The following BCAR3 variants were observed in gnomAD, a reference collection of about 807,000 sequenced individuals.
The protein encoded by BCAR3 is breast cancer anti-estrogen resistance protein 3.
BCAR3 carries 37 observed loss-of-function variants against 80.1 expected under a neutral mutation model. The observed-to-expected ratio is 0.46, with a 90% CI of 0.36 to 0.61. The LOEUF (loss-of-function observed/expected upper bound fraction) is 0.61, where lower values mean the gene tolerates loss of function less well. BCAR3 is among the 20% of genes least tolerant of loss of function. The probability of loss-of-function intolerance (pLI) is 0.00; values close to 1 mark genes in which losing one functional copy is unlikely to be tolerated. For synonymous variants in BCAR3, 389 were observed against 418.9 expected, an observed-to-expected ratio of 0.93 and a Z score of 0.87; for missense variants, 978 against 1,068.2, an observed-to-expected ratio of 0.92 and a Z score of 1.18.
At chr1:93,769,364 T>C (rs1652273570) in intron 2 of BCAR3, among the ~76,000 whole-genome samples, 1 of 109,836 alleles carries the variant, frequency 9.1e-6, no homozygotes, top group African/African-American at 4.6e-5. Context: ...AATGTGTGTG[T>C]GTGTGTGTGT....
chr1:93,777,414 T>TCCTTTTCCTCCTCCTCTTCC (rs1557685179), intron 2 of BCAR3, among the ~76,000 whole-genome samples: 1,535 of 113,106 alleles, frequency 0.014, 54 homozygotes, highest in African/African-American at 0.064. Flanking sequence ...CCTCCTCCTC[T>TCCTTTTCCTCCTCCTCTTCC]TCCTCCTCCT....
At chr1:93,661,199 C>A (rs1326523949) in intron 2 of BCAR3, among the ~76,000 whole-genome samples, 1 of 152,134 alleles carries the variant, frequency 6.6e-6, no homozygotes, top group Admixed American at 6.5e-5. Flanking sequence ...GCCACCACGC[C>A]CTGCTAATTT....
At chr1:93,693,663 A>G (rs192819579) in intron 3 of BCAR3, among the ~76,000 whole-genome samples, 43 of 152,322 alleles carry the variant, frequency 2.8e-4, no homozygotes, top group African/African-American at 1.0e-3. Context: ...GTCCTTTAAA[A>G]CACTTTATAC....
chr1:93,591,370 G>A (rs1284372552), intron 4 of BCAR3, among the ~76,000 whole-genome samples: 1 of 152,080 alleles, frequency 6.6e-6, no homozygotes, highest in Non-Finnish European at 1.5e-5. Flanking sequence ...AGCTACCAGA[G>A]AGGCTGAGGC....
At chr1:93,774,499 A>AG (rs371417701) in intron 2 of BCAR3, among the ~76,000 whole-genome samples, 1 of 151,274 alleles carries the variant, frequency 6.6e-6, no homozygotes, top group African/African-American at 2.4e-5. Flanking sequence ...AAAAAAAAAA[A>AG]GACAAGCAAA....
At chr1:93,612,560 G>T (rs892726886) in intron 3 of BCAR3, among the ~76,000 whole-genome samples, 1 of 152,170 alleles carries the variant, frequency 6.6e-6, no homozygotes, top group Non-Finnish European at 1.5e-5. Flanking sequence ...ATTAGCAGAA[G>T]TTGGCTTGTG....
At position 93,718,704 on chromosome 1, in the gene BCAR3, T is replaced by C. The variant is rs982405955; in HGVS notation, c.-62-12562A>G. Among the ~76,000 whole-genome samples the C allele has an allele frequency of 2.4e-4, 27 of 113,608 alleles. No homozygotes were observed. In the East Asian group the frequency reaches 5.9e-3, roughly 25 times the overall value. 74.5% of individuals were successfully genotyped at this position (113,608 alleles called of 152,430 possible). On this transcript the variant is annotated intron_variant, in intron 2 of 13. Coordinates refer to the BCAR3 transcript ENST00000370244. Reference sequence around the variant, plus strand: ...ATTGTTTTTCTTTTTTTTTTTTTTTTTTTTTTTTGAGACGGGGTTTGGCTC... The same window carrying C: ...ATTGTTTTTCTTTTTTTTTTTTTTTCTTTTTTTTGAGACGGGGTTTGGCTC...
At chr1:93,802,204 AG>A (rs904004316) in intron 2 of BCAR3, among the ~76,000 whole-genome samples, 6 of 152,050 alleles carry the variant, frequency 3.9e-5, no homozygotes, top group Non-Finnish European at 8.8e-5. Context: ...CAGGTACTCA[AG>A]AGGCTGAGGT....
intron 5 of BCAR3, chr1:93,585,170 G>A: frequency 1.0e-6 from 1 of 985,518 alleles, no homozygotes; most frequent in Non-Finnish European, 1.2e-6. Context: ...AATGCAACCT[G>A]CCTGTGAGCA....
chr1:93,744,875 T>C (rs942241292), intron 2 of BCAR3, among the ~76,000 whole-genome samples: 1 of 152,206 alleles, frequency 6.6e-6, no homozygotes, highest in Non-Finnish European at 1.5e-5. Flanking sequence ...AAACTACAAA[T>C]GAAAGAGATT....
chr1:93,741,750 T>C (rs1166009893), intron 2 of BCAR3, among the ~76,000 whole-genome samples: 1 of 152,126 alleles, frequency 6.6e-6, no homozygotes, highest in Non-Finnish European at 1.5e-5. Flanking sequence ...TTTGTATTAT[T>C]AGTAGAGACA....
Position 93,571,563 on chromosome 1 carries a change from A to C in BCAR3, c.1974+107T>G, listed in dbSNP as rs1230301527. ...CCCCTAAATGAAGCAGCTTTCACTA[A>C]GATTCAATTTACTTTTGAGATTGAC... On this transcript the variant is annotated intron_variant, in intron 9 of 11. Coordinates refer to ENST00000260502, the MANE Select transcript of BCAR3 (RefSeq NM_003567.4). The C allele has an allele frequency of 2.8e-6, 4 of 1,414,580 alleles. No homozygotes were observed. In the Admixed American group the frequency reaches 7.3e-5, roughly 26 times the overall value. 87.6% of individuals were successfully genotyped at this position (1,414,580 alleles called of 1,614,324 possible). A position where few individuals can be genotyped will look rare whatever the true frequency, so the allele number is the denominator to read the frequency against.
chr1:93,790,464 C>T (rs1192130433), intron 2 of BCAR3, among the ~76,000 whole-genome samples: 1 of 152,002 alleles, frequency 6.6e-6, no homozygotes, highest in African/African-American at 2.4e-5. Context: ...TTCCAATTCC[C>T]AAAAATATTT....
intron 2 of BCAR3, among the ~76,000 whole-genome samples, chr1:93,730,956 C>A (rs565442998): frequency 1.3e-5 from 2 of 152,226 alleles, no homozygotes; most frequent in Non-Finnish European, 2.9e-5. Flanking sequence ...GTCATGTGGG[C>A]AGCATGTGCC....
At chr1:93,697,826 A>G (rs1649472752) in intron 3 of BCAR3, among the ~76,000 whole-genome samples, 1 of 152,014 alleles carries the variant, frequency 6.6e-6, no homozygotes, top group Non-Finnish European at 1.5e-5. Flanking sequence ...TAAAAACACA[A>G]AATTAGCCAG....
At chr1:93,564,904 A>C (rs1319240726) in intron 11 of BCAR3, among the ~76,000 whole-genome samples, 1 of 152,190 alleles carries the variant, frequency 6.6e-6, no homozygotes, top group Non-Finnish European at 1.5e-5. Context: ...CAACTCTTTT[A>C]AAGAGAGAGA....
Position 93,824,554 on chromosome 1 carries a change from C to A in BCAR3, c.-63+21013G>T, listed in dbSNP as rs1654318045. 1.5e-5 allele frequency among the ~76,000 whole-genome samples: 2 copies of A among 132,962 alleles called. 1 individual carries two copies. The highest frequency in any genetic ancestry group is 6.3e-4 in the South Asian group (2 of 3,184). The allele number at this position is 132,962 out of a possible 152,430, so 87.2% of individuals were successfully genotyped here. A position where few individuals can be genotyped will look rare whatever the true frequency, so the allele number is the denominator to read the frequency against. On this transcript the variant is annotated intron_variant, in intron 2 of 13. Transcript: ENST00000370244. ...CTCTCAGTGCTGGGGAAAACACTGA[C>A]CAGGGTCCGGCAGCTCTCCTTGCAT...
intron 2 of BCAR3, among the ~76,000 whole-genome samples, chr1:93,668,045 A>G (rs1264562693): frequency 6.6e-6 from 1 of 152,132 alleles, no homozygotes; most frequent in East Asian, 1.9e-4. Context: ...GGGCGTGAAA[A>G]ACCCAGAAGA....
At chr1:93,776,980 G>C (rs1652572886) in intron 2 of BCAR3, among the ~76,000 whole-genome samples, 1 of 152,158 alleles carries the variant, frequency 6.6e-6, no homozygotes, top group African/African-American at 2.4e-5. Flanking sequence ...GGTCATACTG[G>C]ATTAGGGTGG....
Sources: gnomAD v4.1 joint callset for allele counts (sites outside exome capture counted in the v4.1 genomes callset) on GRCh38, gnomAD v4.1.1 for gene constraint, MANE v1.5 for transcripts, NCBI Gene and HGNC (gene_info 2026-07-23, HGNC 2026-07-21) for gene names.